The following OSBPL6 variants were observed in gnomAD, a reference collection of about 807,000 sequenced individuals.
The protein encoded by OSBPL6 is oxysterol-binding protein-related protein 6.
Under a neutral mutation model 125.8 loss-of-function variants are expected in OSBPL6, and 49 were observed. That is an observed-to-expected ratio of 0.39 (90% CI 0.31 to 0.49). The LOEUF is 0.49. Ranked by LOEUF, OSBPL6 falls within the 20% of genes least tolerant of loss-of-function variation. OSBPL6 has a pLI of 0.88. For synonymous variants in OSBPL6, 394 were observed against 391.8 expected (o/e 1.01, Z -0.07); for missense variants, 986 against 1,135.4 (o/e 0.87, Z 1.89).
chr2:178,388,831 C>T lies in OSBPL6; in HGVS notation c.2157-178C>T, dbSNP rs10179074. Among the ~76,000 whole-genome samples the T allele has an allele frequency of 8.8e-3, 1,346 of 152,258 alleles. 29 individuals carry two copies. The highest frequency in any genetic ancestry group is 0.031 in the African/African-American group (1,283 of 41,544). ...GGCCCATAGAAAGCACTTAAATGTT[C>T]CTTAAGTGAATTAACCACATCGTAA... On this transcript the variant is annotated intron_variant, in intron 20 of 24. Coordinates refer to ENST00000190611, the MANE Select transcript of OSBPL6 (RefSeq NM_032523.4).
intron 1 of OSBPL6, among the ~76,000 whole-genome samples, chr2:178,195,999 C>T (rs566885646): frequency 5.3e-5 from 8 of 151,390 alleles, no homozygotes; most frequent in Admixed American, 1.3e-4. Context: ...TTCATCCTTC[C>T]CCCCGCCCCC....
chr2:178,353,510 A>C (rs1406138604), intron 12 of OSBPL6, among the ~76,000 whole-genome samples: 1 of 152,230 alleles, frequency 6.6e-6, no homozygotes, highest in Non-Finnish European at 1.5e-5. Flanking sequence ...ATTGAATATC[A>C]AATTAATGAA....
At chr2:178,344,361 G>A in intron 11 of OSBPL6, 1 of 1,614,028 alleles carries the variant, frequency 6.2e-7, no homozygotes, top group Non-Finnish European at 8.5e-7. Flanking sequence ...GGCTACAACA[G>A]TGAGTGGATT....
chr2:178,375,423 T>C (rs915977235), intron 15 of OSBPL6, among the ~76,000 whole-genome samples: 1 of 151,814 alleles, frequency 6.6e-6, no homozygotes, highest in Non-Finnish European at 1.5e-5. Context: ...GTTTTTGTTT[T>C]TGTTTGTTTT....
At chr2:178,294,539 A>G (rs543456576) in intron 2 of OSBPL6, among the ~76,000 whole-genome samples, 2 of 152,294 alleles carry the variant, frequency 1.3e-5, no homozygotes, top group Admixed American at 1.3e-4. Context: ...AGGTTGTTGC[A>G]TTTAATGTTT....
intron 15 of OSBPL6, among the ~76,000 whole-genome samples, chr2:178,377,748 G>C (rs777988492): frequency 3.3e-5 from 5 of 152,154 alleles, no homozygotes; most frequent in Non-Finnish European, 7.4e-5. Context: ...TTACTCAAAG[G>C]TCACCTCCAG....
chr2:178,333,174 A>G, intron 8 of OSBPL6, 133 bp downstream of exon 8: 1 of 918,908 alleles, frequency 1.1e-6, no homozygotes. Context: ...CCTGACAGCC[A>G]GGAGTTCGAG....
chr2:178,332,695 A>G lies in OSBPL6; in HGVS notation c.427A>G (p.Ile143Val). ...SIDVGLSVMSIKKKARRIDLD... is the reference protein window; with the variant it reads ...SIDVGLSVMSVKKKARRIDLD... The stretch of plus-strand genomic sequence containing the variant: ...AGATGTGGGACTCTCAGTCATGTCA[A>G]TTAAAAAGAAAGCTCGAAGAATAGA... The change falls in exon 7 of 25, where the codon ATT becomes GTT. Residue 143 changes from isoleucine (I) to valine (V), a missense_variant. Coordinates refer to ENST00000190611, the MANE Select transcript of OSBPL6 (RefSeq NM_032523.4). 6.2e-7 allele frequency: 1 copy of G among 1,614,196 alleles called. No homozygotes were observed. The highest frequency in any genetic ancestry group is 8.5e-7 in the Non-Finnish European group (1 of 1,180,022).
At chr2:178,260,588 T>C (rs1390049570) in intron 1 of OSBPL6, among the ~76,000 whole-genome samples, 1 of 151,948 alleles carries the variant, frequency 6.6e-6, no homozygotes, top group African/African-American at 2.4e-5. Flanking sequence ...GCACAAGGGG[T>C]GGTGATTACT....
chr2:178,356,141 G>A (rs938235203), intron 12 of OSBPL6, among the ~76,000 whole-genome samples: 4 of 152,082 alleles, frequency 2.6e-5, no homozygotes, highest in Non-Finnish European at 5.9e-5. Context: ...ATACTGAATG[G>A]GCAAAAACTG....
Position 178,234,924 on chromosome 2 carries a change from T to C in OSBPL6, c.-351+40250T>C, listed in dbSNP as rs2090985959. On this transcript the variant is annotated intron_variant, in intron 1 of 24. Transcript: ENST00000190611. ...CTGTTTCAGAGAGATTGGCCTTGGGTCCTTTTTCTTCTTGTTCTGCCTTGT... is the reference window on the plus strand; with the variant it reads ...CTGTTTCAGAGAGATTGGCCTTGGGCCCTTTTTCTTCTTGTTCTGCCTTGT... 2.0e-5 allele frequency among the ~76,000 whole-genome samples: 3 copies of C among 152,308 alleles called. No individual in the cohort carries two copies. The South Asian group carries it at 6.2e-4, about 32-fold the overall frequency.
At chr2:178,242,605 C>T (rs924881597) in intron 1 of OSBPL6, among the ~76,000 whole-genome samples, 2 of 152,136 alleles carry the variant, frequency 1.3e-5, no homozygotes, top group African/African-American at 2.4e-5. Context: ...AATTGTGATA[C>T]TTTAGTTTTA....
chr2:178,247,771 G>A (rs1364279599), intron 1 of OSBPL6, among the ~76,000 whole-genome samples: 2 of 152,034 alleles, frequency 1.3e-5, no homozygotes, highest in East Asian at 3.9e-4. Context: ...CTTTCCTTGG[G>A]GAGTATTTTG....
intron 13 of OSBPL6, among the ~76,000 whole-genome samples, chr2:178,363,867 A>G (rs916727910): frequency 7.2e-5 from 11 of 152,230 alleles, no homozygotes; most frequent in African/African-American, 2.4e-4. Context: ...TTAAGTTTCA[A>G]ATAGACCGTT....
chr2:178,358,043 T>A (rs773143596), intron 12 of OSBPL6, among the ~76,000 whole-genome samples: 1 of 151,998 alleles, frequency 6.6e-6, no homozygotes, highest in Non-Finnish European at 1.5e-5. Flanking sequence ...ACAAGAACAC[T>A]TGGACACGGC....
intron 12 of OSBPL6, among the ~76,000 whole-genome samples, chr2:178,354,713 A>G (rs1467352625): frequency 6.6e-6 from 1 of 152,186 alleles, no homozygotes; most frequent in African/African-American, 2.4e-5. Context: ...CCAGGACTTG[A>G]ACTCAGCTCT....
chr2:178,223,331 T>G (rs1338692244), intron 1 of OSBPL6, among the ~76,000 whole-genome samples: 2 of 152,230 alleles, frequency 1.3e-5, no homozygotes, highest in Non-Finnish European at 2.9e-5. Flanking sequence ...TTCCCATTTT[T>G]CTTTAAAGAT....
At chr2:178,257,512 C>A (rs2154009602) in intron 1 of OSBPL6, among the ~76,000 whole-genome samples, 1 of 152,274 alleles carries the variant, frequency 6.6e-6, no homozygotes, top group African/African-American at 2.4e-5. Context: ...TTAATGATTT[C>A]TTCAACAAGG....
chr2:178,222,521 T>C (rs560084548), intron 1 of OSBPL6, among the ~76,000 whole-genome samples: 162 of 152,278 alleles, frequency 1.1e-3, no homozygotes, highest in Middle Eastern at 6.8e-3. Flanking sequence ...CGCATGCCTG[T>C]AGTCCCAGCT....
Sources: allele counts gnomAD v4.1 joint callset (sites outside exome capture counted in the v4.1 genomes callset), GRCh38; gene constraint gnomAD v4.1.1; transcripts MANE v1.5; gene names NCBI Gene and HGNC (gene_info 2026-07-23, HGNC 2026-07-21).